CHN2: variants seen among roughly 807,000 people sequenced by gnomAD.
CHN2 encodes beta-chimaerin.
In CHN2, 35 loss-of-function variants were observed where a neutral mutation model predicts 56.3. The ratio of observed to expected loss-of-function variants is 0.62; its 90% CI spans 0.47 to 0.82. The LOEUF (loss-of-function observed/expected upper bound fraction) is 0.82, where lower values mean the gene tolerates loss of function less well. Among genes scored for constraint, CHN2 ranks in the 40% least tolerant of loss-of-function variants. The pLI is 0.00. For synonymous variants in CHN2, 210 were observed against 212.8 expected, an observed-to-expected ratio of 0.99 and a Z score of 0.12; for missense variants, 491 against 580.5, an observed-to-expected ratio of 0.85 and a Z score of 1.58.
chr7:29,492,120 T>G (rs1208299891), intron 7 of CHN2, among the ~76,000 whole-genome samples: 2 of 152,238 alleles, frequency 1.3e-5, no homozygotes, highest in African/African-American at 4.8e-5. Flanking sequence ...CCCTTACTCT[T>G]AGATGATAAT....
chr7:29,239,155 G>A (rs1256049814), intron 1 of CHN2, among the ~76,000 whole-genome samples: 2 of 152,206 alleles, frequency 1.3e-5, no homozygotes, highest in Non-Finnish European at 2.9e-5. Context: ...CTCAAAGGGA[G>A]ATGATTGCTC....
chr7:29,278,805 C>A (rs549480863), intron 1 of CHN2, among the ~76,000 whole-genome samples: 4 of 152,316 alleles, frequency 2.6e-5, no homozygotes, highest in Admixed American at 1.3e-4. Flanking sequence ...AGCCCTCCCC[C>A]ATAAGGAGTT....
chr7:29,472,612 C>G (rs947326556), intron 6 of CHN2, among the ~76,000 whole-genome samples: 1 of 152,006 alleles, frequency 6.6e-6, no homozygotes, highest in Non-Finnish European at 1.5e-5. Flanking sequence ...CATGCTAACT[C>G]TTCATAAAAG....
intron 6 of CHN2, among the ~76,000 whole-genome samples, chr7:29,411,178 T>A (rs1208581915): frequency 6.6e-6 from 1 of 152,172 alleles, no homozygotes; most frequent in Non-Finnish European, 1.5e-5. Context: ...GGTGCAATTC[T>A]GATATATATG....
intron 2 of CHN2, among the ~76,000 whole-genome samples, chr7:29,178,022 G>A (rs1179695883): frequency 6.6e-6 from 1 of 152,068 alleles, no homozygotes; most frequent in Non-Finnish European, 1.5e-5. Context: ...AAAAACCTAG[G>A]AGTCACCTTG....
rs1793134693 is a variant in CHN2 at position 29,296,088 on chromosome 7, T to A, written c.50-58537T>A. Among the ~76,000 whole-genome samples, 4 of 109,916 alleles carry A rather than the reference T, an allele frequency of 3.6e-5. No individual in the cohort carries two copies. In the South Asian group the frequency reaches 1.0e-3, roughly 28 times the overall value. The allele number at this position is 109,916 out of a possible 152,430, so 72.1% of individuals were successfully genotyped here. On this transcript the variant is annotated intron_variant, in intron 1 of 12. Transcript: ENST00000222792. ...GTCTGTCCGTGTGTAATCACCATTT[T>A]TTTTTTTTTTTTTAAGACAGAGTCT... is the stretch of plus-strand genomic sequence containing the variant.
intron 3 of CHN2, among the ~76,000 whole-genome samples, chr7:29,380,286 C>CA (rs11373361): frequency 0.39 from 57,711 of 147,660 alleles, 11,601 homozygotes; most frequent in East Asian, 0.52. Context: ...TGGTTCTTAC[C>CA]AAAAAAAAAA....
intron 6 of CHN2, among the ~76,000 whole-genome samples, chr7:29,437,439 A>C (rs1783313186): frequency 7.6e-6 from 1 of 131,902 alleles, no homozygotes; most frequent in Admixed American, 7.4e-5. Flanking sequence ...TCTACTAAAA[A>C]TACAAAAAAT....
At chr7:29,259,325 T>TTAAA (rs1222698149) in intron 1 of CHN2, among the ~76,000 whole-genome samples, 1 of 51,432 alleles carries the variant, frequency 1.9e-5, no homozygotes, top group Non-Finnish European at 3.6e-5. Context: ...AGACCTTGTC[T>TTAAA]CAAAAAAAAA....
intron 6 of CHN2, among the ~76,000 whole-genome samples, chr7:29,458,682 G>C (rs924527199): frequency 6.6e-6 from 1 of 152,168 alleles, no homozygotes. Context: ...CAGCAGTCAA[G>C]ACACCAAGTG....
At chr7:29,272,908 A>G (rs1385712215) in intron 1 of CHN2, among the ~76,000 whole-genome samples, 1 of 152,210 alleles carries the variant, frequency 6.6e-6, no homozygotes, top group Non-Finnish European at 1.5e-5. Context: ...ATCTCACAGA[A>G]TTACATTTCT....
rs1554363857 is a variant in CHN2 at position 29,211,068 on chromosome 7, T to TTTTG, written c.49+16080_49+16081insTGTT. ...CTGACTTAGGTGTTTTGTTTTTTTTTTTGTTGTTGTTGTTGTTGTTGAGAC... is the reference window on the plus strand; with the variant it reads ...CTGACTTAGGTGTTTTGTTTTTTTTTTTTGTTGTTGTTGTTGTTGTTGTTGAGAC... On this transcript the variant is annotated intron_variant, in intron 1 of 12. Transcript: ENST00000222792. Among the ~76,000 whole-genome samples the TTTTG allele has an allele frequency of 1.4e-3, 206 of 147,522 alleles. 2 individuals are homozygous for TTTTG. The highest frequency in any genetic ancestry group is 7.6e-3 in the South Asian group (35 of 4,624).
At chr7:29,481,048 G>A (rs972196198) in intron 7 of CHN2, among the ~76,000 whole-genome samples, 4 of 152,210 alleles carry the variant, frequency 2.6e-5, no homozygotes, top group African/African-American at 9.7e-5. Context: ...GAAGGGGCCT[G>A]CCATCAGAAA....
chr7:29,403,135 A>ACTCATTTT, intron 6 of CHN2, among the ~76,000 whole-genome samples: 1 of 152,136 alleles, frequency 6.6e-6, no homozygotes, highest in Non-Finnish European at 1.5e-5. Flanking sequence ...TTTTGTTAGT[A>ACTCATTTT]GTTTGTTAAG....
intron 6 of CHN2, among the ~76,000 whole-genome samples, chr7:29,471,474 A>G (rs1786028523): frequency 6.6e-6 from 1 of 152,226 alleles, no homozygotes; most frequent in Non-Finnish European, 1.5e-5. Context: ...CAGCCAACCC[A>G]GGAAGCATCA....
intron 7 of CHN2, among the ~76,000 whole-genome samples, chr7:29,493,299 C>G (rs1788859625): frequency 6.6e-6 from 1 of 152,138 alleles, no homozygotes; most frequent in South Asian, 2.1e-4. Context: ...TAGGTTTGTG[C>G]AAGTACGCTC....
chr7:29,147,591 C>T (rs545449423), intron 2 of CHN2, among the ~76,000 whole-genome samples: 1 of 152,276 alleles, frequency 6.6e-6, no homozygotes, highest in South Asian at 2.1e-4. Flanking sequence ...GTGTAAATCA[C>T]CCAGCACAAA....
chr7:29,382,025 C>T (rs550378826), intron 3 of CHN2, among the ~76,000 whole-genome samples: 34 of 152,218 alleles, frequency 2.2e-4, no homozygotes, highest in African/African-American at 8.2e-4. Flanking sequence ...CCTTGCTTCT[C>T]TGTGCCTCAG....
chr7:29,381,002 T>C (rs534020332), intron 3 of CHN2, among the ~76,000 whole-genome samples: 1 of 152,346 alleles, frequency 6.6e-6, no homozygotes, highest in African/African-American at 2.4e-5. Context: ...GATTCTCATT[T>C]GCACTGAAGA....
Sources: gnomAD v4.1 joint callset for allele counts (sites outside exome capture counted in the v4.1 genomes callset) on GRCh38, gnomAD v4.1.1 for gene constraint, MANE v1.5 for transcripts, NCBI Gene and HGNC (gene_info 2026-07-23, HGNC 2026-07-21) for gene names.